Variants in SCRN1 observed in about 807,000 individuals in gnomAD.
The protein encoded by SCRN1 is secernin 1, also known as secernin-1.
In SCRN1, 19 loss-of-function variants were observed where a neutral mutation model predicts 43.3. That is an observed-to-expected ratio of 0.44 (90% confidence interval 0.31 to 0.64). The LOEUF is 0.64. Ranked by LOEUF, SCRN1 falls within the 30% of genes least tolerant of loss-of-function variation. The pLI, the probability that SCRN1 is intolerant of heterozygous loss-of-function variation, is 0.09. For synonymous variants in SCRN1, 183 were observed against 188.9 expected, an observed-to-expected ratio of 0.97 and a Z score of 0.26; for missense variants, 447 against 524.1, an observed-to-expected ratio of 0.85 and a Z score of 1.44.
chr7:29,964,443 T>A (rs1788423695), intron 2 of SCRN1, among the ~76,000 whole-genome samples: 1 of 151,308 alleles, frequency 6.6e-6, no homozygotes, highest in South Asian at 2.1e-4. Context: ...TGATTCCAAC[T>A]ATGTGACATT....
At chr7:29,988,208 C>T (rs1003139836) in intron 1 of SCRN1, among the ~76,000 whole-genome samples, 2 of 152,168 alleles carry the variant, frequency 1.3e-5, no homozygotes, top group African/African-American at 4.8e-5. Flanking sequence ...ACAATGTGCA[C>T]ACATCTCTTT....
chr7:29,962,024 G>A (rs1788338712), intron 2 of SCRN1, among the ~76,000 whole-genome samples: 1 of 152,006 alleles, frequency 6.6e-6, no homozygotes, highest in South Asian at 2.1e-4. Flanking sequence ...GAGTCCACAC[G>A]ACTTTTTCCA....
rs1583704040 is a variant in SCRN1 at position 29,985,268 on chromosome 7, G to T, written c.-2+4374C>A. On this transcript the variant is annotated intron_variant, in intron 1 of 7. Transcript: ENST00000242059. Reference sequence around the variant, plus strand: ...AAAAATACAAAAATTAGCCAGGCATGGTGGTGCGCACCTGTAATCCCAGCT... The same window carrying T: ...AAAAATACAAAAATTAGCCAGGCATTGTGGTGCGCACCTGTAATCCCAGCT... Among the ~76,000 whole-genome samples the T allele has an allele frequency of 1.4e-5, 2 of 144,102 alleles. 1 individual carries two copies. Among genetic ancestry groups the T allele is most frequent in the Admixed American group, 1.4e-4 (2 of 14,426 alleles). 94.5% of individuals were successfully genotyped at this position (144,102 alleles called of 152,430 possible).
rs1049394 is a variant in SCRN1, at chr7:29,921,188, C to T, written c.*2769G>A. The T allele has an allele frequency of 0.34, 52,446 of 152,184 alleles. 9,218 individuals are homozygous for T. Among genetic ancestry groups the T allele is most frequent in the African/African-American group, 0.41 (16,762 of 41,326 alleles). 9.4% of individuals were successfully genotyped at this position (152,184 alleles called of 1,614,324 possible). ...TCTGCACAAGCATGCTCAGCCCCCA[C>T]CCCAGTCTGAAAAGATACACAAAGG... On this transcript the variant is annotated 3_prime_UTR_variant, in exon 8 of 8. Transcript: ENST00000242059.
At chr7:29,925,854 C>CAAAAAAAAAA (rs59395122) in intron 7 of SCRN1, among the ~76,000 whole-genome samples, 1 of 83,968 alleles carries the variant, frequency 1.2e-5, no homozygotes, top group African/African-American at 4.1e-5. Context: ...ACTAAAAATA[C>CAAAAAAAAAA]AAAAAAAAAA....
intron 1 of SCRN1, among the ~76,000 whole-genome samples, chr7:29,981,769 C>T (rs1370032952): frequency 6.6e-6 from 1 of 152,160 alleles, no homozygotes; most frequent in Non-Finnish European, 1.5e-5. Context: ...CACTTCTTAC[C>T]TTCTTGGACA....
At position 29,954,331 on chromosome 7, in the gene SCRN1, T is replaced by TTA. The variant is rs546990904; in HGVS notation, c.341+846_341+847dup. On this transcript the variant is annotated intron_variant, in intron 3 of 7. Transcript: ENST00000242059. ...TTCTAGTTTATGATTTTTCATATTT[T>TTA]TATATATATATTATATATTTCAAGT... Among the ~76,000 whole-genome samples the TTA allele has an allele frequency of 5.1e-3, 777 of 151,976 alleles. 4 individuals are homozygous for TTA. Among genetic ancestry groups the TTA allele is most frequent in the African/African-American group, 0.017 (725 of 41,516 alleles).
chr7:29,972,069 T>C (rs1427237149), intron 1 of SCRN1, among the ~76,000 whole-genome samples: 1 of 152,212 alleles, frequency 6.6e-6, no homozygotes, highest in African/African-American at 2.4e-5. Context: ...ATCTTCAGAC[T>C]GGAGGAGTAG....
intron 1 of SCRN1, among the ~76,000 whole-genome samples, chr7:29,989,429 C>T (rs994192726): frequency 6.6e-6 from 1 of 152,162 alleles, no homozygotes; most frequent in Non-Finnish European, 1.5e-5. Context: ...AGCCGAGTCA[C>T]CCCGGCTTCA....
At chr7:29,990,228 C>T (rs558337484), upstream of SCRN1, 142 of 1,551,518 alleles carry the variant, frequency 9.2e-5, 1 homozygote, top group East Asian at 2.2e-4. Context: ...TTAAAAGTGC[C>T]GTCCTGTACC....
At chr7:29,964,103 A>C (rs1431552498) in intron 2 of SCRN1, among the ~76,000 whole-genome samples, 2 of 152,242 alleles carry the variant, frequency 1.3e-5, no homozygotes, top group Non-Finnish European at 2.9e-5. Context: ...AATATCATTC[A>C]ATCTTTGAAC....
chr7:29,956,842 T>TAA (rs141892925), intron 2 of SCRN1, among the ~76,000 whole-genome samples: 5 of 150,812 alleles, frequency 3.3e-5, no homozygotes, highest in African/African-American at 9.7e-5. Context: ...GTTATTTATT[T>TAA]AAAAAAAAAA....
At chr7:29,926,696 G>A in intron 6 of SCRN1, 64 bp from the exon 7 acceptor site, 10 of 1,442,780 alleles carry the variant, frequency 6.9e-6, no homozygotes, top group Non-Finnish European at 8.5e-6. Context: ...CCCAGAGACT[G>A]TCCTTTTATT....
At position 29,926,578 on chromosome 7, in the gene SCRN1, T is replaced by C. The variant is rs1786966683; in HGVS notation, c.960A>G (p.Thr320=). Residue 320 remains threonine (T), a synonymous_variant, in exon 7 of 8, where the codon ACA becomes ACG. Transcript: ENST00000242059. ...FVDDVKLVPK[T]QSPCFGDDDP... ...CGTCATCCCCAAAACAGGGAGACTG[T>C]GTTTTGGGGACAAGTTTTACGTCAT... 6.2e-7 allele frequency: 1 copy of C among 1,614,004 alleles called. No homozygotes were observed. The highest frequency in any genetic ancestry group is 8.5e-7 in the Non-Finnish European group (1 of 1,180,026).
intron 2 of SCRN1, among the ~76,000 whole-genome samples, chr7:29,956,091 G>A (rs550398952): frequency 6.6e-6 from 1 of 152,212 alleles, no homozygotes; most frequent in African/African-American, 2.4e-5. Flanking sequence ...AAATGGGGGA[G>A]CTAATTTGAG....
chr7:29,974,685 C>CTT (rs1183202361), intron 1 of SCRN1, among the ~76,000 whole-genome samples: 12 of 134,200 alleles, frequency 8.9e-5, no homozygotes, highest in South Asian at 2.4e-4. Flanking sequence ...TTCTTTCTTT[C>CTT]TTTTTTTTTT....
At chr7:29,957,852 T>C (rs1319362316) in intron 2 of SCRN1, among the ~76,000 whole-genome samples, 5 of 151,998 alleles carry the variant, frequency 3.3e-5, no homozygotes, top group Non-Finnish European at 7.4e-5. Flanking sequence ...TCCAGAGAGG[T>C]CCCTGCTGTG....
rs1023358985 is a variant in SCRN1 at position 29,926,333 on chromosome 7, C to T, written c.1086+119G>A. On this transcript the variant is annotated intron_variant, in intron 7 of 7. Transcript: ENST00000242059. ...AGGAACCTGGTCTCTGGGAGAAGCC[C>T]GGTCACACTGGATGGGTGGGGGTAG... is the stretch of plus-strand genomic sequence containing the variant. The T allele has an allele frequency of 8.9e-5, 96 of 1,076,652 alleles. No homozygotes were observed. The South Asian group carries it at 1.0e-3, about 11-fold the overall frequency. The allele number at this position is 1,076,652 out of a possible 1,614,324, so 66.7% of individuals were successfully genotyped here.
rs1181275859 is a variant in SCRN1 at position 29,920,368 on chromosome 7, C to A, written c.*3589G>T. 1 of 152,166 alleles carries A rather than the reference C, an allele frequency of 6.6e-6. No homozygotes were observed. Among genetic ancestry groups the A allele is most frequent in the African/African-American group, 2.4e-5 (1 of 41,426 alleles). The allele number at this position is 152,166 out of a possible 1,614,324, so 9.4% of individuals were successfully genotyped here. Reference sequence around the variant, plus strand: ...GTACATATTGGTTCCCACGAGAAATCTGCAGGTGACATTTCGGGATGTTTG... The same window carrying A: ...GTACATATTGGTTCCCACGAGAAATATGCAGGTGACATTTCGGGATGTTTG... On this transcript the variant is annotated 3_prime_UTR_variant, in exon 8 of 8. Transcript: ENST00000242059.
Sources: gnomAD v4.1 joint callset for allele counts (sites outside exome capture counted in the v4.1 genomes callset) on GRCh38, gnomAD v4.1.1 for gene constraint, MANE v1.5 for transcripts, NCBI Gene and HGNC (gene_info 2026-07-23, HGNC 2026-07-21) for gene names.